The following FCHSD2 variants were observed in gnomAD, a reference collection of about 807,000 sequenced individuals.
The protein encoded by FCHSD2 is F-BAR and double SH3 domains protein 2.
Under a neutral mutation model 108.1 loss-of-function variants are expected in FCHSD2, and 38 were observed. That is an observed-to-expected ratio of 0.35 (90% CI 0.27 to 0.46). FCHSD2 has a LOEUF of 0.46. Ranked by LOEUF, FCHSD2 falls within the 20% of genes least tolerant of loss-of-function variation. FCHSD2 has a pLI of 1.00. For missense variants in FCHSD2, 751 were observed against 897.8 expected, an observed-to-expected ratio of 0.84 and a Z score of 2.09; for synonymous variants, 279 against 314.7, an observed-to-expected ratio of 0.89 and a Z score of 1.20.
chr11:73,019,593 GACAA>G (rs1159191927), intron 3 of FCHSD2, among the ~76,000 whole-genome samples: 8 of 152,080 alleles, frequency 5.3e-5, no homozygotes, highest in African/African-American at 1.4e-4. Flanking sequence ...TCATGAAATA[GACAA>G]ACAATGAGAT....
intron 8 of FCHSD2, chr11:72,983,785 T>C (rs767042557): frequency 6.2e-6 from 3 of 483,366 alleles, no homozygotes; most frequent in South Asian, 4.8e-5. Context: ...TGAGTCATTA[T>C]TTTATTTCTT....
intron 8 of FCHSD2, chr11:72,941,230 G>A (rs1014294727): frequency 8.1e-6 from 2 of 245,920 alleles, no homozygotes; most frequent in African/African-American, 4.5e-5. Flanking sequence ...CATGAGTCTT[G>A]TTCACTATGT....
chr11:72,934,961 T>A (rs184552304), intron 8 of FCHSD2, among the ~76,000 whole-genome samples: 29 of 152,288 alleles, frequency 1.9e-4, no homozygotes, highest in Admixed American at 1.6e-3. Context: ...AGCAGCCACG[T>A]CCTTTCCAGG....
intron 2 of FCHSD2, among the ~76,000 whole-genome samples, chr11:73,137,600 T>C (rs1440876564): frequency 6.6e-6 from 1 of 152,186 alleles, no homozygotes; most frequent in Admixed American, 6.5e-5. Flanking sequence ...AAAGACTTCA[T>C]CTGAGGGAGG....
chr11:73,013,151 G>C (rs891864060), intron 4 of FCHSD2, among the ~76,000 whole-genome samples: 4 of 152,106 alleles, frequency 2.6e-5, no homozygotes, highest in Non-Finnish European at 5.9e-5. Context: ...CTTTTATGAT[G>C]CCTACCTATG....
intron 13 of FCHSD2, among the ~76,000 whole-genome samples, chr11:72,860,084 G>T (rs1488586614): frequency 1.3e-5 from 2 of 152,156 alleles, no homozygotes; most frequent in Non-Finnish European, 2.9e-5. Flanking sequence ...TCCCTTACAT[G>T]TGAAGTTCAC....
intron 13 of FCHSD2, among the ~76,000 whole-genome samples, chr11:72,854,919 C>T (rs1259904505): frequency 1.3e-5 from 2 of 152,240 alleles, no homozygotes; most frequent in South Asian, 2.1e-4. Context: ...AGGCAGATCA[C>T]GTAAGGTCAG....
At chr11:72,887,400 A>G in intron 12 of FCHSD2, 70 bp downstream of exon 12, 1 of 935,706 alleles carries the variant, frequency 1.1e-6, no homozygotes, top group Non-Finnish European at 1.7e-6. Context: ...CTCAGTTTTA[A>G]AGATGTATAT....
chr11:72,942,138 C>T (rs1361872126), intron 8 of FCHSD2, among the ~76,000 whole-genome samples: 1 of 152,186 alleles, frequency 6.6e-6, no homozygotes, highest in Non-Finnish European at 1.5e-5. Flanking sequence ...TCATGAATGA[C>T]TTGCTGCTGT....
At chr11:72,994,778 A>C (rs967866302) in intron 5 of FCHSD2, among the ~76,000 whole-genome samples, 2 of 152,080 alleles carry the variant, frequency 1.3e-5, no homozygotes, top group African/African-American at 4.8e-5. Flanking sequence ...AAAACAAAAC[A>C]AAAAAAAGAT....
At chr11:72,982,423 T>C (rs1857231333) in intron 8 of FCHSD2, among the ~76,000 whole-genome samples, 2 of 152,180 alleles carry the variant, frequency 1.3e-5, no homozygotes, top group Non-Finnish European at 2.9e-5. Context: ...TTGTTAGTCA[T>C]TAAGAACAAT....
At chr11:73,070,259 T>C (rs1565395735) in intron 3 of FCHSD2, among the ~76,000 whole-genome samples, 1 of 152,230 alleles carries the variant, frequency 6.6e-6, no homozygotes, top group Admixed American at 6.5e-5. Flanking sequence ...GCCTCTTATA[T>C]GGCATAGGCC....
At chr11:72,923,891 T>A (rs572732884) in intron 8 of FCHSD2, among the ~76,000 whole-genome samples, 3 of 152,162 alleles carry the variant, frequency 2.0e-5, no homozygotes, top group Admixed American at 2.0e-4. Context: ...GTAAGCCGAG[T>A]TTGTGCTATT....
intron 2 of FCHSD2, among the ~76,000 whole-genome samples, chr11:73,113,230 T>TTA (rs1197977538): frequency 1.3e-5 from 2 of 152,070 alleles, no homozygotes; most frequent in Non-Finnish European, 2.9e-5. Context: ...TATCTCGAAT[T>TTA]TCTTAGAGTT....
chr11:72,943,078 G>A (rs147356363), intron 8 of FCHSD2, among the ~76,000 whole-genome samples: 3,094 of 152,186 alleles, frequency 0.02, 37 homozygotes, highest in South Asian at 0.054. Context: ...TACAACCTCC[G>A]CCTCCCGGGT....
chr11:73,062,458 AG>A (rs1859190648), intron 3 of FCHSD2, among the ~76,000 whole-genome samples: 1 of 152,238 alleles, frequency 6.6e-6, no homozygotes. Context: ...TGACAGAAAT[AG>A]GCTTCAGAAG....
chr11:73,142,073 A>C lies in FCHSD2; in HGVS notation c.-196T>G. On this transcript the variant is annotated 5_prime_UTR_variant, in exon 1 of 20. Transcript: ENST00000409418. ...CCAGCCAGAGAGCGAGTGTGAGGAGACGAGGGAGGAGCACCGGGAAGGCTT... is the reference window on the plus strand; with the variant it reads ...CCAGCCAGAGAGCGAGTGTGAGGAGCCGAGGGAGGAGCACCGGGAAGGCTT... The C allele has an allele frequency of 2.0e-6, 1 of 508,782 alleles. No individual in the cohort carries two copies. The highest frequency in any genetic ancestry group is 3.5e-6 in the Non-Finnish European group (1 of 289,410). 31.5% of individuals were successfully genotyped at this position (508,782 alleles called of 1,614,324 possible). A position where few individuals can be genotyped will look rare whatever the true frequency, so the allele number is the denominator to read the frequency against.
chr11:72,958,639 C>T (rs755632393), intron 8 of FCHSD2, among the ~76,000 whole-genome samples: 4 of 152,202 alleles, frequency 2.6e-5, no homozygotes, highest in Non-Finnish European at 4.4e-5. Flanking sequence ...CCATCAGTTT[C>T]GACCTCAAGT....
At chr11:73,039,214 C>T (rs964547924) in intron 3 of FCHSD2, among the ~76,000 whole-genome samples, 5 of 148,522 alleles carry the variant, frequency 3.4e-5, no homozygotes, top group South Asian at 2.2e-4. Flanking sequence ...ATAAACCTAC[C>T]TCCATAACAG....
Sources: gnomAD v4.1 joint callset for allele counts (sites outside exome capture counted in the v4.1 genomes callset) on GRCh38, gnomAD v4.1.1 for gene constraint, MANE v1.5 for transcripts, NCBI Gene and HGNC (gene_info 2026-07-23, HGNC 2026-07-21) for gene names.